DNAH8: variants seen among roughly 807,000 people sequenced by gnomAD.
DNAH8 encodes the protein dynein axonemal heavy chain 8, also known as axonemal beta dynein heavy chain 8.
In DNAH8, 382 loss-of-function variants were observed where a neutral mutation model predicts 562.1. The ratio of observed to expected loss-of-function variants is 0.68; its 90% CI spans 0.63 to 0.74. The LOEUF is 0.74. Ranked by LOEUF, DNAH8 falls within the 30% of genes least tolerant of loss-of-function variation. The pLI is 0.00. For synonymous variants in DNAH8, 1,881 were observed against 1,919.4 expected (o/e 0.98, Z 0.52); for missense variants, 5,203 against 5,620.4 (o/e 0.93, Z 2.37).
intron 21 of DNAH8, among the ~76,000 whole-genome samples, chr6:38,798,092 A>C (rs1583033172): frequency 6.6e-6 from 1 of 152,144 alleles, no homozygotes; most frequent in East Asian, 1.9e-4. Context: ...AAAAAAATCA[A>C]CTTTGCTCTA....
chr6:38,831,754 G>A (rs115105603), intron 30 of DNAH8, among the ~76,000 whole-genome samples: 230 of 152,146 alleles, frequency 1.5e-3, no homozygotes, highest in African/African-American at 4.8e-3. Flanking sequence ...AATCATATTA[G>A]CATATTACAA....
At position 38,787,970 on chromosome 6, in the gene DNAH8, G is replaced by C. The variant is rs180685020; in HGVS notation, c.2583+1018G>C. Among the ~76,000 whole-genome samples the C allele has an allele frequency of 2.6e-5, 4 of 152,130 alleles. No homozygotes were observed. The East Asian group carries it at 7.7e-4, about 29-fold the overall frequency. On this transcript the variant is annotated intron_variant, in intron 18 of 92. Transcript: ENST00000327475. ...GGACATTTTTTTTCCAGTACAATTAGTAATAGCAAAAGACTGGAGTCTAAC... is the reference window on the plus strand; with the variant it reads ...GGACATTTTTTTTCCAGTACAATTACTAATAGCAAAAGACTGGAGTCTAAC...
At chr6:38,837,386 C>T (rs1562951118) in intron 32 of DNAH8, among the ~76,000 whole-genome samples, 1 of 152,140 alleles carries the variant, frequency 6.6e-6, no homozygotes, top group Admixed American at 6.6e-5. Context: ...TAATATTTAG[C>T]ATCCCAAATA....
intron 82 of DNAH8, among the ~76,000 whole-genome samples, chr6:38,964,388 G>A (rs1418850429): frequency 6.3e-5 from 6 of 95,032 alleles, no homozygotes; most frequent in African/African-American, 2.3e-4. Flanking sequence ...CGGACGGGGC[G>A]GCTGGCCGGG....
At chr6:38,782,255 A>G (rs896114569) in intron 16 of DNAH8, among the ~76,000 whole-genome samples, 2 of 147,590 alleles carry the variant, frequency 1.4e-5, no homozygotes, top group African/African-American at 5.0e-5. Context: ...TTTTAAATAA[A>G]GAAATTTTAT....
Position 38,906,395 on chromosome 6 carries a change from A to G in DNAH8, c.9336A>G (p.Leu3112=). The change falls in exon 63 of 93, where the codon CTA becomes CTG. Residue 3112 remains leucine (L), a synonymous_variant. Coordinates refer to ENST00000327475, the MANE Select transcript of DNAH8 (RefSeq NM_001206927.2). The part of the protein sequence containing the change: ...EAFLEYLNNL[L]SSGEISNLFA... The stretch of plus-strand genomic sequence containing the variant: ...TTCTAGAATACCTTAACAACTTGCT[A>G]TCTTCAGGGGAGGTAAGTCTCAAAA... The G allele has an allele frequency of 6.2e-7, 1 of 1,604,966 alleles. No individual in the cohort carries two copies.
At chr6:39,016,378 C>T (rs975165308) in intron 91 of DNAH8, among the ~76,000 whole-genome samples, 2 of 151,902 alleles carry the variant, frequency 1.3e-5, no homozygotes, top group South Asian at 2.1e-4. Context: ...GGTGAAACCC[C>T]GTCTCTACTA....
chr6:38,882,888 T>A (rs1561811847), intron 53 of DNAH8, 22 bp from the exon 54 acceptor site: 2 of 1,496,292 alleles, frequency 1.3e-6, no homozygotes, highest in Non-Finnish European at 1.8e-6. Context: ...TCTATTAAGA[T>A]GAAATTTTAC....
At chr6:38,998,792 A>G (rs1260883439) in intron 88 of DNAH8, among the ~76,000 whole-genome samples, 1 of 152,148 alleles carries the variant, frequency 6.6e-6, no homozygotes, top group East Asian at 1.9e-4. Context: ...CTAAAGAGAA[A>G]TTTTCTTCAA....
chr6:38,855,848 C>T (rs190559557), intron 41 of DNAH8, among the ~76,000 whole-genome samples: 51 of 152,276 alleles, frequency 3.3e-4, no homozygotes, highest in Non-Finnish European at 7.1e-4. Flanking sequence ...TGCTCCACCT[C>T]CTGTCAGATC....
At position 38,868,258 on chromosome 6, in the gene DNAH8, A is replaced by G. The variant is rs919306483; in HGVS notation, c.6828+62A>G. 27 of 1,492,834 alleles carry G rather than the reference A, an allele frequency of 1.8e-5. No homozygotes were observed. In the African/African-American group the frequency reaches 3.8e-4, roughly 21 times the overall value. The allele number at this position is 1,492,834 out of a possible 1,614,324, so 92.5% of individuals were successfully genotyped here. On this transcript the variant is annotated intron_variant, in intron 48 of 92. Transcript: ENST00000327475. ...AATATTGTTTCTTTCTATTTGGTGG[A>G]CAAGTAGAGGTAGGCTGATGTTGAG...
intron 68 of DNAH8, among the ~76,000 whole-genome samples, chr6:38,916,029 G>A (rs190664878): frequency 6.6e-6 from 1 of 152,086 alleles, no homozygotes; most frequent in Admixed American, 6.5e-5. Context: ...TTTCTATGGG[G>A]ATTATAATTT....
At chr6:38,865,914 C>G (rs1366533528) in intron 45 of DNAH8, among the ~76,000 whole-genome samples, 1 of 152,220 alleles carries the variant, frequency 6.6e-6, no homozygotes, top group South Asian at 2.1e-4. Flanking sequence ...CCTAAAATAA[C>G]TCATTCCTGT....
intron 31 of DNAH8, among the ~76,000 whole-genome samples, chr6:38,832,973 A>G (rs2150355872): frequency 6.6e-6 from 1 of 152,230 alleles, no homozygotes; most frequent in East Asian, 1.9e-4. Context: ...GGCCGTGAGA[A>G]ACTATAAACT....
chr6:38,915,272 CA>C lies in DNAH8; in HGVS notation c.10038del (p.Ala3347ProfsTer13), dbSNP rs1781219978. 1 of 1,611,606 alleles carries C rather than the reference CA, an allele frequency of 6.2e-7. No homozygotes were observed. Among genetic ancestry groups the C allele is most frequent in the Non-Finnish European group, 8.5e-7 (1 of 1,179,116 alleles). On this transcript the variant is annotated frameshift_variant, in exon 68 of 93. Transcript: ENST00000327475. LOFTEE classifies it high-confidence loss of function. ...AAAATGAAGTACAGGAGGTAAAGGACAAAGCCCAAAAAATTGTGGATGAAAT... is the reference window on the plus strand; with the variant it reads ...AAAATGAAGTACAGGAGGTAAAGGACAAGCCCAAAAAATTGTGGATGAAAT... ...IKNEVQEVKD[K>X]AQKIVDEIDS... is the part of the protein sequence containing the mutation.
Position 39,026,533 on chromosome 6 carries a change from T to C in DNAH8, c.13715-13T>C, listed in dbSNP as rs777456736. On this transcript the variant is annotated splice_polypyrimidine_tract_variant and intron_variant, in intron 91 of 92. Coordinates refer to ENST00000327475, the MANE Select transcript of DNAH8 (RefSeq NM_001206927.2). ...GCAACAAGGCTTCAACATCTCTTCT[T>C]TTTTTCTTTAAGGCTTCCTCACAGC... 1.9e-6 allele frequency: 3 copies of C among 1,598,670 alleles called. No homozygotes were observed. The South Asian group carries it at 3.3e-5, about 18-fold the overall frequency.
chr6:38,767,266 G>A (rs919645095), intron 11 of DNAH8, among the ~76,000 whole-genome samples: 1 of 152,028 alleles, frequency 6.6e-6, no homozygotes, highest in Non-Finnish European at 1.5e-5. Context: ...GTGAAACACC[G>A]TCTCTACTAA....
At chr6:39,003,635 A>G (rs1226963996) in intron 88 of DNAH8, among the ~76,000 whole-genome samples, 1 of 152,154 alleles carries the variant, frequency 6.6e-6, no homozygotes, top group Non-Finnish European at 1.5e-5. Context: ...GTTTGATGCC[A>G]TGTTATTTTA....
chr6:38,820,279 T>G (rs1772704917), intron 26 of DNAH8, among the ~76,000 whole-genome samples: 1 of 152,192 alleles, frequency 6.6e-6, no homozygotes, highest in Admixed American at 6.6e-5. Context: ...TACTCATGTT[T>G]ATGAAAATAT....
Sources: gnomAD v4.1 joint callset for allele counts (sites outside exome capture counted in the v4.1 genomes callset) on GRCh38, gnomAD v4.1.1 for gene constraint, MANE v1.5 for transcripts, NCBI Gene and HGNC (gene_info 2026-07-23, HGNC 2026-07-21) for gene names.